The following SHISA9 variants were observed in gnomAD, a reference collection of about 807,000 sequenced individuals.
SHISA9 encodes the protein shisa family member 9, also known as protein shisa-9.
Under a neutral mutation model 38.0 loss-of-function variants are expected in SHISA9, and 13 were observed. That is an observed-to-expected ratio of 0.34 (90% CI 0.22 to 0.54). The LOEUF (loss-of-function observed/expected upper bound fraction) is 0.54, where lower values mean the gene tolerates loss of function less well. Ranked by LOEUF, SHISA9 falls within the 20% of genes least tolerant of loss-of-function variation. The pLI is 0.91. For missense variants in SHISA9, 538 were observed against 575.8 expected (o/e 0.93, Z 0.67); for synonymous variants, 275 against 242.0 (o/e 1.14, Z -1.27).
intron 2 of SHISA9, among the ~76,000 whole-genome samples, chr16:13,195,757 C>G (rs1448703498): frequency 6.6e-6 from 1 of 152,104 alleles, no homozygotes; most frequent in Non-Finnish European, 1.5e-5. Context: ...CACTCCCAAA[C>G]CCATAACCCC....
the SHISA9 span, among the ~76,000 whole-genome samples, chr16:13,248,795 C>T: frequency 6.6e-6 from 1 of 152,180 alleles, no homozygotes; most frequent in South Asian, 2.1e-4. Flanking sequence ...AATTCATATG[C>T]AAGGAAGGAA....
chr16:13,520,061 C>T, the SHISA9 span, among the ~76,000 whole-genome samples: 1 of 152,158 alleles, frequency 6.6e-6, no homozygotes. Flanking sequence ...GCCATGAGAA[C>T]CACAGCAAGA....
chr16:13,320,046 A>G, the SHISA9 span, among the ~76,000 whole-genome samples: 1 of 151,944 alleles, frequency 6.6e-6, no homozygotes. Context: ...TAATCCAAGC[A>G]CTTTGGGAGG....
intron 2 of SHISA9, among the ~76,000 whole-genome samples, chr16:13,045,621 A>T (rs1396291403): frequency 7.9e-5 from 12 of 151,734 alleles, no homozygotes; most frequent in Non-Finnish European, 1.6e-4. Flanking sequence ...AGGGAGAGGG[A>T]GAGGGAGAGG....
At chr16:13,532,557 A>ATGTGTG in the SHISA9 span, among the ~76,000 whole-genome samples, 14,494 of 150,016 alleles carry the variant, frequency 0.097, 771 homozygotes, top group East Asian at 0.16. Flanking sequence ...GCGTGTGTGT[A>ATGTGTG]TGTGTGTGTG....
chr16:12,973,133 A>C (rs1034629790), intron 2 of SHISA9, among the ~76,000 whole-genome samples: 4 of 152,164 alleles, frequency 2.6e-5, no homozygotes, highest in African/African-American at 9.7e-5. Flanking sequence ...CGCTCCCCCC[A>C]CACAAAAAAT....
chr16:13,300,825 T>C, the SHISA9 span, among the ~76,000 whole-genome samples: 20 of 134,978 alleles, frequency 1.5e-4, no homozygotes, highest in South Asian at 4.7e-3. Flanking sequence ...TGATAAAATC[T>C]CCCCCCTCCC....
In SHISA9 at chr16:12,974,479, GTTTTTTTTTTTT is replaced by G. The variant is rs58309847; in HGVS notation, c.691+57680_691+57691del. Among the ~76,000 whole-genome samples the G allele has an allele frequency of 4.7e-3, 433 of 91,790 alleles. 4 individuals are homozygous for G. The highest frequency in any genetic ancestry group is 0.018 in the African/African-American group (420 of 23,266). 60.2% of individuals were successfully genotyped at this position (91,790 alleles called of 152,430 possible). A position where few individuals can be genotyped will look rare whatever the true frequency, so the allele number is the denominator to read the frequency against. On this transcript the variant is annotated intron_variant, in intron 2 of 4. Transcript: ENST00000558583. ...CATGGCTAGCAAGTGATTTCTGGTG[GTTTTTTTTTTTT>G]TTTTTTTTTTTTTTTCCGGAGTTTC...
chr16:13,324,953 A>T, the SHISA9 span, among the ~76,000 whole-genome samples: 1 of 152,234 alleles, frequency 6.6e-6, no homozygotes, highest in Non-Finnish European at 1.5e-5. Flanking sequence ...TTGTTGAAAG[A>T]GTTAAGCTCT....
chr16:13,318,114 G>A, the SHISA9 span, among the ~76,000 whole-genome samples: 7 of 151,664 alleles, frequency 4.6e-5, no homozygotes, highest in African/African-American at 1.5e-4. Context: ...GACTTAATAG[G>A]TCAGAAACCT....
intron 2 of SHISA9, among the ~76,000 whole-genome samples, chr16:12,958,874 A>G (rs1375637636): frequency 6.6e-6 from 1 of 152,104 alleles, no homozygotes; most frequent in Non-Finnish European, 1.5e-5. Context: ...AGGTCTCAGC[A>G]CGTTACATCA....
rs1555457584 is a variant in SHISA9, at chr16:13,049,190, G to GTGTGTT, written c.691+132380_691+132381insTTGTGT. 2.0e-3 allele frequency among the ~76,000 whole-genome samples: 276 copies of GTGTGTT among 139,294 alleles called. 6 individuals carry two copies. The highest frequency in any genetic ancestry group is 9.0e-3 in the African/African-American group (269 of 29,960). 91.4% of individuals were successfully genotyped at this position (139,294 alleles called of 152,430 possible). A position where few individuals can be genotyped will look rare whatever the true frequency, so the allele number is the denominator to read the frequency against. The stretch of plus-strand genomic sequence containing the variant: ...TGTGTGTGTGTGTGTGTGTGTGTGT[G>GTGTGTT]TGTGTGTGTGTGTGTATGTGTATGT... On this transcript the variant is annotated intron_variant, in intron 2 of 4. Transcript: ENST00000558583.
intron 2 of SHISA9, among the ~76,000 whole-genome samples, chr16:13,153,316 T>C (rs1037617149): frequency 1.3e-5 from 2 of 152,136 alleles, no homozygotes; most frequent in African/African-American, 4.8e-5. Context: ...AGAGTGTGCC[T>C]TTAAATGTTT....
the SHISA9 span, among the ~76,000 whole-genome samples, chr16:13,248,523 G>T: frequency 6.6e-6 from 1 of 152,156 alleles, no homozygotes; most frequent in Non-Finnish European, 1.5e-5. Context: ...TGTGACCTTG[G>T]GGAAGCTACT....
intron 2 of SHISA9, among the ~76,000 whole-genome samples, chr16:13,044,688 C>T (rs976764753): frequency 6.6e-5 from 10 of 152,164 alleles, no homozygotes; most frequent in African/African-American, 2.2e-4. Context: ...TGTATGAAGG[C>T]TCCGAGGTGA....
chr16:13,486,902 C>T, the SHISA9 span, among the ~76,000 whole-genome samples: 1 of 152,184 alleles, frequency 6.6e-6, no homozygotes, highest in Non-Finnish European at 1.5e-5. Flanking sequence ...TGAGGTTTCT[C>T]CATGTTAGTC....
chr16:13,192,927 AGAG>A (rs1029193624), intron 2 of SHISA9, among the ~76,000 whole-genome samples: 6 of 151,888 alleles, frequency 4.0e-5, no homozygotes, highest in Admixed American at 2.0e-4. Context: ...AGGAGGAAGA[AGAG>A]GAGGAAGAGG....
At chr16:13,109,347 A>C (rs1315386635) in intron 2 of SHISA9, among the ~76,000 whole-genome samples, 1 of 152,100 alleles carries the variant, frequency 6.6e-6, no homozygotes, top group East Asian at 1.9e-4. Flanking sequence ...GTGGTCTTCA[A>C]GGGTAGGCCC....
chr16:13,274,893 C>T, the SHISA9 span, among the ~76,000 whole-genome samples: 1 of 152,166 alleles, frequency 6.6e-6, no homozygotes, highest in African/African-American at 2.4e-5. Flanking sequence ...GTCCTTTCGT[C>T]AAGCACAAAT....
Sources: allele counts gnomAD v4.1 joint callset (sites outside exome capture counted in the v4.1 genomes callset), GRCh38; gene constraint gnomAD v4.1.1; transcripts MANE v1.5; gene names NCBI Gene and HGNC (gene_info 2026-07-23, HGNC 2026-07-21).